The following TEX36 variants were observed in gnomAD, a reference collection of about 807,000 sequenced individuals.
TEX36 encodes testis expressed 36, also known as testis-expressed protein 36.
In TEX36, 12 loss-of-function variants were observed where a neutral mutation model predicts 13.6. That is an observed-to-expected ratio of 0.88 (90% confidence interval 0.56 to 1.43). TEX36 has a LOEUF of 1.43. Ranked by LOEUF, TEX36 falls within the 40% of genes most tolerant of loss-of-function variation. The pLI, the probability that TEX36 is intolerant of heterozygous loss-of-function variation, is 0.00. For synonymous variants in TEX36, 93 were observed against 83.0 expected, an observed-to-expected ratio of 1.12 and a Z score of -0.65; for missense variants, 224 against 228.3, an observed-to-expected ratio of 0.98 and a Z score of 0.12.
chr10:125,609,979 C>T (rs1000584812), intron 3 of TEX36, among the ~76,000 whole-genome samples: 14 of 152,174 alleles, frequency 9.2e-5, no homozygotes, highest in African/African-American at 3.4e-4. Context: ...TGAAAGCAAC[C>T]CCTGGTTGCC....
In TEX36 at chr10:125,683,027, C is replaced by G; in HGVS notation, c.-38G>C. ...GCTGAATGTGGCTGAGATTGGCTCCCTCACCTCTCCATAAGCTCTACATGT... is the reference window on the plus strand; with the variant it reads ...GCTGAATGTGGCTGAGATTGGCTCCGTCACCTCTCCATAAGCTCTACATGT... On this transcript the variant is annotated 5_prime_UTR_variant, in exon 1 of 4. Transcript: ENST00000368821. 6.4e-7 allele frequency: 1 copy of G among 1,550,744 alleles called. No homozygotes were observed.
chr10:125,597,744 G>A (rs1415769521), intron 3 of TEX36, among the ~76,000 whole-genome samples: 1 of 152,166 alleles, frequency 6.6e-6, no homozygotes, highest in Non-Finnish European at 1.5e-5. Context: ...AGAAAGAATG[G>A]CAGTCAGGGT....
chr10:125,610,962 A>G (rs1471161214), intron 3 of TEX36, among the ~76,000 whole-genome samples: 1 of 152,140 alleles, frequency 6.6e-6, no homozygotes, highest in Non-Finnish European at 1.5e-5. Context: ...CATAGGTGCT[A>G]TCTTACGTTT....
At chr10:125,643,803 G>C (rs1846725409) in intron 3 of TEX36, among the ~76,000 whole-genome samples, 1 of 151,980 alleles carries the variant, frequency 6.6e-6, no homozygotes, top group Non-Finnish European at 1.5e-5. Flanking sequence ...TGTAATCCCA[G>C]ATACTCAGGA....
At chr10:125,624,897 G>A (rs1339511792) in intron 3 of TEX36, among the ~76,000 whole-genome samples, 4 of 152,150 alleles carry the variant, frequency 2.6e-5, no homozygotes, top group African/African-American at 7.2e-5. Context: ...GGGGCACAAA[G>A]GCGGGCACAG....
intron 1 of TEX36, among the ~76,000 whole-genome samples, chr10:125,666,519 G>A (rs774075841): frequency 5.3e-5 from 8 of 152,012 alleles, no homozygotes; most frequent in African/African-American, 7.2e-5. Flanking sequence ...TGTGTGTGTC[G>A]AAGCATCCTT....
intron 3 of TEX36, among the ~76,000 whole-genome samples, chr10:125,636,138 G>A (rs527492270): frequency 3.6e-4 from 54 of 151,908 alleles, no homozygotes; most frequent in South Asian, 2.1e-3. Context: ...GCCTCCCAAA[G>A]TGCTGGGATT....
At chr10:125,580,429 A>G (rs1845869178) in intron 3 of TEX36, among the ~76,000 whole-genome samples, 1 of 152,184 alleles carries the variant, frequency 6.6e-6, no homozygotes, top group South Asian at 2.1e-4. Context: ...TTCCCAGAAT[A>G]CCATAAAATA....
downstream of TEX36, among the ~76,000 whole-genome samples, chr10:125,619,856 T>C (rs1385178275): frequency 6.6e-6 from 1 of 151,726 alleles, no homozygotes; most frequent in Non-Finnish European, 1.5e-5. Context: ...CGCCCGACCA[T>C]TTTTTACTAT....
At chr10:125,649,952 C>T (rs902397652) in intron 3 of TEX36, among the ~76,000 whole-genome samples, 5 of 152,150 alleles carry the variant, frequency 3.3e-5, no homozygotes, top group Admixed American at 3.3e-4. Flanking sequence ...GCTAACTATC[C>T]TAAATATATA....
chr10:125,581,659 C>T (rs1441913437), intron 3 of TEX36, among the ~76,000 whole-genome samples: 1 of 152,142 alleles, frequency 6.6e-6, no homozygotes, highest in African/African-American at 2.4e-5. Flanking sequence ...CTGCCTTTTT[C>T]CCCCCTAAGG....
intron 1 of TEX36, among the ~76,000 whole-genome samples, chr10:125,671,980 C>T (rs974625245): frequency 6.6e-6 from 1 of 151,882 alleles, no homozygotes; most frequent in Non-Finnish European, 1.5e-5. Context: ...GGTCATATCC[C>T]CTTTATCATT....
At chr10:125,645,171 T>C (rs1235335391) in intron 3 of TEX36, among the ~76,000 whole-genome samples, 2 of 152,244 alleles carry the variant, frequency 1.3e-5, no homozygotes, top group South Asian at 2.1e-4. Context: ...GTGTGTTAAA[T>C]GGTGTTGTTA....
At chr10:125,601,621 G>A (rs1168253174) in intron 3 of TEX36, among the ~76,000 whole-genome samples, 1 of 152,218 alleles carries the variant, frequency 6.6e-6, no homozygotes, top group Non-Finnish European at 1.5e-5. Context: ...TAGAAAGTTT[G>A]GGGAGAAGAT....
chr10:125,662,080 C>A, intron 1 of TEX36, 103 bp from the exon 2 acceptor site: 5 of 1,434,400 alleles, frequency 3.5e-6, no homozygotes, highest in Non-Finnish European at 4.7e-6. Context: ...AATTTGGGTG[C>A]TTTTGGCATG....
At chr10:125,627,304 T>C (rs1200705984) in intron 3 of TEX36, among the ~76,000 whole-genome samples, 1 of 152,182 alleles carries the variant, frequency 6.6e-6, no homozygotes. Flanking sequence ...CTTTTAGATG[T>C]TACAGAGATG....
chr10:125,609,747 C>T (rs1846267730), intron 3 of TEX36, among the ~76,000 whole-genome samples: 4 of 152,198 alleles, frequency 2.6e-5, no homozygotes, highest in African/African-American at 9.7e-5. Context: ...GCAACCCCAT[C>T]CTAACTCACA....
chr10:125,665,082 T>C (rs1248312473), intron 1 of TEX36, among the ~76,000 whole-genome samples: 2 of 152,114 alleles, frequency 1.3e-5, no homozygotes, highest in Non-Finnish European at 1.5e-5. Flanking sequence ...TTTTGGTTGT[T>C]GTTGTTGTTG....
intron 3 of TEX36, among the ~76,000 whole-genome samples, chr10:125,612,094 T>TC (rs985276515): frequency 6.7e-6 from 1 of 150,052 alleles, no homozygotes; most frequent in African/African-American, 2.5e-5. Flanking sequence ...TTTTTCTTTT[T>TC]TTTTTTTTTC....
Sources: gnomAD v4.1 joint callset for allele counts (sites outside exome capture counted in the v4.1 genomes callset) on GRCh38, gnomAD v4.1.1 for gene constraint, MANE v1.5 for transcripts, NCBI Gene and HGNC (gene_info 2026-07-23, HGNC 2026-07-21) for gene names.